PGAP1: variants seen among roughly 807,000 people sequenced by gnomAD.
The protein encoded by PGAP1 is post-GPI attachment to proteins inositol deacylase 1.
In PGAP1, 76 loss-of-function variants were observed where a neutral mutation model predicts 127.0. That is an observed-to-expected ratio of 0.60 (90% CI 0.50 to 0.72). PGAP1 has a LOEUF of 0.72. Among genes scored for constraint, PGAP1 ranks in the 30% least tolerant of loss-of-function variants. The pLI is 0.00. For missense variants in PGAP1, 982 were observed against 1,071.3 expected (o/e 0.92, Z 1.16); for synonymous variants, 362 against 366.5 (o/e 0.99, Z 0.14).
intron 2 of PGAP1, among the ~76,000 whole-genome samples, chr2:196,917,194 C>T (rs1482751813): frequency 1.3e-5 from 2 of 152,004 alleles, no homozygotes; most frequent in African/African-American, 2.4e-5. Context: ...TCTTTTTGTT[C>T]TTGTTGTTGT....
At chr2:196,925,004 C>A (rs546240370) in intron 1 of PGAP1, among the ~76,000 whole-genome samples, 1 of 152,178 alleles carries the variant, frequency 6.6e-6, no homozygotes, top group East Asian at 1.9e-4. Flanking sequence ...AATTATTAAA[C>A]CAAAAATAAG....
rs750068372 is a variant in PGAP1, at chr2:196,841,294, A to G, written c.2709T>C (p.Tyr903=). 5 of 1,614,010 alleles carry G rather than the reference A, an allele frequency of 3.1e-6. No individual in the cohort carries two copies. In the Admixed American group the frequency reaches 8.3e-5, roughly 27 times the overall value. Residue 903 remains tyrosine (Y), a synonymous_variant, in exon 27 of 27, where the codon TAT becomes TAC. Transcript: ENST00000354764. The stretch of plus-strand genomic sequence containing the variant: ...GAATGAAGACAAAGCATGGAAGCCT[A>G]TATAAATGTGCTGACCCAAAAGCAA... ...GVIAFGSAHL[Y]RLPCFVFIPL... is the part of the protein sequence containing the mutation.
Position 196,893,125 on chromosome 2 carries a change from G to A in PGAP1, c.1033+15C>T. The A allele has an allele frequency of 7.0e-7, 1 of 1,426,708 alleles. No individual in the cohort carries two copies. The allele number at this position is 1,426,708 out of a possible 1,614,324, so 88.4% of individuals were successfully genotyped here. ...AATACTTCATTTAAAATTAAAATAT[G>A]TTATTGTCACCAACCTGTTAAGTCA... is the stretch of plus-strand genomic sequence containing the variant. On this transcript the variant is annotated intron_variant, in intron 8 of 26. Coordinates refer to ENST00000354764, the MANE Select transcript of PGAP1 (RefSeq NM_024989.4).
intron 1 of PGAP1, among the ~76,000 whole-genome samples, chr2:196,925,690 C>T (rs1703335141): frequency 6.6e-6 from 1 of 151,922 alleles, no homozygotes; most frequent in Admixed American, 6.6e-5. Context: ...CCGAACCCAG[C>T]GAGAAAACAA....
intron 4 of PGAP1, among the ~76,000 whole-genome samples, chr2:196,911,943 G>A (rs1050179495): frequency 3.9e-5 from 6 of 152,168 alleles, no homozygotes; most frequent in Non-Finnish European, 8.8e-5. Flanking sequence ...AGTACAGCAT[G>A]CAAAGGTTAA....
intron 13 of PGAP1, among the ~76,000 whole-genome samples, chr2:196,876,525 C>G (rs979662493): frequency 2.0e-5 from 3 of 152,074 alleles, no homozygotes; most frequent in Non-Finnish European, 4.4e-5. Flanking sequence ...ATAAGAAACT[C>G]TGCTCTCACT....
chr2:196,923,170 T>C (rs545587321), intron 1 of PGAP1, among the ~76,000 whole-genome samples: 1 of 152,294 alleles, frequency 6.6e-6, no homozygotes, highest in African/African-American at 2.4e-5. Context: ...TCTAGAGATA[T>C]TTTACATATA....
chr2:196,864,115 G>A (rs186895372), intron 20 of PGAP1, among the ~76,000 whole-genome samples: 1 of 151,780 alleles, frequency 6.6e-6, no homozygotes, highest in African/African-American at 2.4e-5. Context: ...TTTGAGGCCG[G>A]GTCCGGTGGC....
intron 5 of PGAP1, among the ~76,000 whole-genome samples, chr2:196,899,439 C>A (rs2125824821): frequency 6.6e-6 from 1 of 152,124 alleles, no homozygotes; most frequent in East Asian, 1.9e-4. Context: ...GAAATTACTG[C>A]TGATAGTTTA....
intron 26 of PGAP1, among the ~76,000 whole-genome samples, chr2:196,841,619 G>A (rs1700415566): frequency 6.6e-6 from 1 of 152,152 alleles, no homozygotes; most frequent in Admixed American, 6.5e-5. Flanking sequence ...CCGGGTTCAT[G>A]CCATTCTCCT....
At chr2:196,870,052 A>C (rs536766582) in intron 19 of PGAP1, among the ~76,000 whole-genome samples, 1 of 152,214 alleles carries the variant, frequency 6.6e-6, no homozygotes, top group African/African-American at 2.4e-5. Context: ...ACAATTGTGC[A>C]AATTATAGTG....
intron 4 of PGAP1, among the ~76,000 whole-genome samples, chr2:196,903,195 A>G (rs975447465): frequency 2.6e-5 from 4 of 152,114 alleles, no homozygotes; most frequent in Non-Finnish European, 5.9e-5. Context: ...TGTATACATT[A>G]CAAACTGTTA....
intron 4 of PGAP1, among the ~76,000 whole-genome samples, chr2:196,903,392 C>T (rs1559365220): frequency 6.6e-6 from 1 of 151,602 alleles, no homozygotes; most frequent in Admixed American, 6.6e-5. Flanking sequence ...GAAAGCCCAT[C>T]TCTACTAAAA....
intron 20 of PGAP1, among the ~76,000 whole-genome samples, chr2:196,854,296 G>C (rs1383306119): frequency 6.6e-6 from 1 of 152,006 alleles, no homozygotes; most frequent in Non-Finnish European, 1.5e-5. Context: ...TCATCTTGTA[G>C]AGATATTAAA....
chr2:196,850,524 T>C (rs1700686570), intron 20 of PGAP1, among the ~76,000 whole-genome samples: 1 of 152,108 alleles, frequency 6.6e-6, no homozygotes, highest in African/African-American at 2.4e-5. Flanking sequence ...GTCTTAAAAC[T>C]TAAGAGGATC....
chr2:196,917,336 T>C (rs982286517), intron 2 of PGAP1, among the ~76,000 whole-genome samples: 11 of 152,232 alleles, frequency 7.2e-5, no homozygotes, highest in Non-Finnish European at 1.5e-4. Flanking sequence ...ATAGATACAT[T>C]ATAATCCACA....
chr2:196,894,287 C>A (rs1702195539), intron 7 of PGAP1, among the ~76,000 whole-genome samples: 1 of 152,166 alleles, frequency 6.6e-6, no homozygotes. Flanking sequence ...CTGATTGCCT[C>A]CCCTGGATAA....
rs972139479 is a variant in PGAP1, at chr2:196,833,270, T to G, written c.*7964A>C. ...TACCATATAAAAATACACACAAAAT[T>G]ACACATAAATGTATTTAATATACTA... is the stretch of plus-strand genomic sequence containing the variant. On this transcript the variant is annotated 3_prime_UTR_variant, in exon 27 of 27. Transcript: ENST00000354764. The G allele has an allele frequency of 2.6e-5, 4 of 152,196 alleles. No homozygotes were observed. Among genetic ancestry groups the G allele is most frequent in the South Asian group, 2.1e-4 (1 of 4,830 alleles). The allele number at this position is 152,196 out of a possible 1,614,324, so 9.4% of individuals were successfully genotyped here.
At chr2:196,882,011 G>A (rs185580414) in intron 12 of PGAP1, among the ~76,000 whole-genome samples, 1 of 152,222 alleles carries the variant, frequency 6.6e-6, no homozygotes, top group East Asian at 1.9e-4. Context: ...AATCCATCCT[G>A]AGTTAATTTT....
Sources: allele counts gnomAD v4.1 joint callset (sites outside exome capture counted in the v4.1 genomes callset), GRCh38; gene constraint gnomAD v4.1.1; transcripts MANE v1.5; gene names NCBI Gene and HGNC (gene_info 2026-07-23, HGNC 2026-07-21).